Variants in ZNF430 observed in about 807,000 individuals in gnomAD.
ZNF430 encodes the protein zinc finger protein 430.
A neutral mutation model predicts 56.7 loss-of-function variants in ZNF430; 35 were observed. The ratio of observed to expected loss-of-function variants is 0.62; its 90% confidence interval spans 0.47 to 0.82. ZNF430 has a LOEUF of 0.82. Among genes scored for constraint, ZNF430 ranks in the 40% least tolerant of loss-of-function variants. ZNF430 has a pLI of 0.00. For missense variants in ZNF430, 574 were observed against 661.0 expected (o/e 0.87, Z 1.44); for synonymous variants, 212 against 224.3 (o/e 0.94, Z 0.49).
intron 4 of ZNF430, among the ~76,000 whole-genome samples, chr19:21,054,820 G>C (rs143882422): frequency 6.6e-6 from 1 of 151,594 alleles, no homozygotes; most frequent in South Asian, 2.1e-4. Context: ...GACTACAGGC[G>C]CCCGCCACCA....
chr19:21,049,486 T>C (rs550216181), intron 4 of ZNF430: 1 of 152,300 alleles, frequency 6.6e-6, no homozygotes, highest in Admixed American at 6.5e-5. Flanking sequence ...TTTTAGCATT[T>C]CTATTTGTTT....
At chr19:21,051,768 C>T (rs904209293) in intron 4 of ZNF430, among the ~76,000 whole-genome samples, 1 of 152,186 alleles carries the variant, frequency 6.6e-6, no homozygotes, top group Non-Finnish European at 1.5e-5. Flanking sequence ...GAATTATAGG[C>T]GTGAGCCACT....
At chr19:21,030,895 G>C (rs142395996) in intron 2 of ZNF430, among the ~76,000 whole-genome samples, 1 of 151,860 alleles carries the variant, frequency 6.6e-6, no homozygotes, top group African/African-American at 2.4e-5. Context: ...TTTGTTTTCT[G>C]TTTTTGAGAC....
In ZNF430 at chr19:21,056,760, G is replaced by A; in HGVS notation, c.452G>A (p.Ser151Asn). 1 of 1,613,846 alleles carries A rather than the reference G, an allele frequency of 6.2e-7. No homozygotes were observed. The highest frequency in any genetic ancestry group is 8.5e-7 in the Non-Finnish European group (1 of 1,179,888). Reference sequence around the variant, plus strand: ...TTACAGTTAAGAACAGGCTGTAAAAGTGTGGATGAGTGTAATCTGCACAAA... The same window carrying A: ...TTACAGTTAAGAACAGGCTGTAAAAATGTGGATGAGTGTAATCTGCACAAA... ...EDLQLRTGCK[S>N]VDECNLHKEC... The change falls in exon 5 of 5, where the codon AGT (serine) becomes AAT (asparagine). Residue 151 changes from serine (S) to asparagine (N), a missense_variant. Physicochemically the swap from Ser to Asn is conservative, Grantham distance 46. Coordinates refer to ENST00000261560, the MANE Select transcript of ZNF430 (RefSeq NM_025189.4).
chr19:21,045,369 T>C (rs1275399714), intron 4 of ZNF430, among the ~76,000 whole-genome samples: 1 of 152,220 alleles, frequency 6.6e-6, no homozygotes, highest in African/African-American at 2.4e-5. Flanking sequence ...TCAATTTCCA[T>C]GTACTTGTGT....
In ZNF430 at chr19:21,056,854, T is replaced by C. The variant is rs116573353; in HGVS notation, c.546T>C (p.Tyr182=). The C allele has an allele frequency of 1.3e-3, 2,121 of 1,610,960 alleles. 30 individuals carry two copies. The African/African-American group carries it at 0.026, about 20-fold the overall frequency. The change falls in exon 5 of 5, where the codon TAT becomes TAC. Residue 182 remains tyrosine, a synonymous_variant. Coordinates refer to ENST00000261560, the MANE Select transcript of ZNF430 (RefSeq NM_025189.4). The part of the protein sequence containing the change: ...TQSEIFQYDK[Y]VNVFYKFSNP... ...GTGAAATATTTCAATATGATAAATATGTGAATGTCTTTTATAAATTTTCAA... is the reference window on the plus strand; with the variant it reads ...GTGAAATATTTCAATATGATAAATACGTGAATGTCTTTTATAAATTTTCAA...
In ZNF430 at chr19:21,057,663, C is replaced by A; in HGVS notation, c.1355C>A (p.Thr452Asn). ...SNLTAHKIIH[T>N]GEKPYKCEEC... is the part of the protein sequence containing the mutation. ...CTTACTGCACATAAGATAATTCATA[C>A]TGGAGAGAAACCCTACAAATGTGAA... Residue 452 changes from threonine (T) to asparagine (N), a missense_variant, in exon 5 of 5, where the codon ACT (threonine) becomes AAT (asparagine). Physicochemically the swap from Thr to Asn is moderately conservative, Grantham distance 65. Around this residue, in one of 3 missense-constraint regions of ZNF430, gnomAD observed 213 missense variants for 221.0 expected, o/e 0.96. Transcript: ENST00000261560. 6.2e-7 allele frequency: 1 copy of A among 1,611,420 alleles called. No individual in the cohort carries two copies. Among genetic ancestry groups the A allele is most frequent in the South Asian group, 1.1e-5 (1 of 90,506 alleles).
At chr19:21,023,012 A>AG in intron 2 of ZNF430, 131 bp downstream of exon 2, 4 of 635,608 alleles carry the variant, frequency 6.3e-6, no homozygotes, top group South Asian at 1.9e-5. Flanking sequence ...GGATTGTCTA[A>AG]GGGGGCAGAA....
chr19:21,056,441 A>G (rs1968378255), intron 4 of ZNF430, among the ~76,000 whole-genome samples, 190 bp from the exon 5 acceptor site: 1 of 151,462 alleles, frequency 6.6e-6, no homozygotes. Context: ...GTGAGCAGAG[A>G]TCACGCCATT....
intron 2 of ZNF430, among the ~76,000 whole-genome samples, chr19:21,025,439 T>C (rs565061494): frequency 2.6e-5 from 4 of 152,306 alleles, no homozygotes; most frequent in African/African-American, 7.2e-5. Flanking sequence ...CAGATCTTTA[T>C]AACCTGTATC....
At position 21,056,668 on chromosome 19, in the gene ZNF430, G is replaced by A; in HGVS notation, c.360G>A (p.Glu120=). The change falls in exon 5 of 5, where the codon GAG becomes GAA. Residue 120 remains glutamate, a synonymous_variant. Coordinates refer to ENST00000261560, the MANE Select transcript of ZNF430 (RefSeq NM_025189.4). ...YSHFAQDLWP[E]QGIKDSFQEV... ...ATTTTGCCCAAGACCTTTGGCCAGAGCAGGGCATAAAAGATTCTTTCCAAG... is the reference window on the plus strand; with the variant it reads ...ATTTTGCCCAAGACCTTTGGCCAGAACAGGGCATAAAAGATTCTTTCCAAG... The A allele has an allele frequency of 6.4e-7, 1 of 1,574,526 alleles. No homozygotes were observed. The highest frequency in any genetic ancestry group is 1.4e-5 in the African/African-American group (1 of 73,780).
At chr19:21,042,715 G>A (rs561608931) in intron 4 of ZNF430, among the ~76,000 whole-genome samples, 8 of 152,036 alleles carry the variant, frequency 5.3e-5, no homozygotes, top group Admixed American at 5.2e-4. Context: ...GTGAACCTGG[G>A]AGGCAGAGCT....
chr19:21,040,360 A>T (rs1968081125), intron 4 of ZNF430, among the ~76,000 whole-genome samples: 1 of 152,144 alleles, frequency 6.6e-6, no homozygotes, highest in Admixed American at 6.5e-5. Context: ...GGTCATGGGG[A>T]CTAATTCTCA....
intron 2 of ZNF430, among the ~76,000 whole-genome samples, chr19:21,028,254 CCA>C (rs1967839741): frequency 6.6e-6 from 1 of 152,154 alleles, no homozygotes; most frequent in South Asian, 2.1e-4. Flanking sequence ...CAGTGATTTG[CCA>C]CAGTTATGTG....
intron 4 of ZNF430, chr19:21,053,688 C>T (rs1246845374): frequency 6.6e-6 from 1 of 152,164 alleles, no homozygotes; most frequent in African/African-American, 2.4e-5. Flanking sequence ...GCCACTGCGC[C>T]CAGCCAAAAA....
At chr19:21,023,105 CAAAAA>C (rs968744865) in intron 2 of ZNF430, among the ~76,000 whole-genome samples, 5 of 152,100 alleles carry the variant, frequency 3.3e-5, no homozygotes, top group East Asian at 1.9e-4. Flanking sequence ...TCCCAAAAGA[CAAAAA>C]GAAAAAGAAA....
chr19:21,046,417 A>G (rs1446572848), intron 4 of ZNF430, among the ~76,000 whole-genome samples: 1 of 151,528 alleles, frequency 6.6e-6, no homozygotes, highest in Non-Finnish European at 1.5e-5. Context: ...TCTTTGATGT[A>G]GTTTTTTCAT....
intron 4 of ZNF430, among the ~76,000 whole-genome samples, chr19:21,046,386 C>A (rs1050544992): frequency 6.7e-6 from 1 of 150,202 alleles, no homozygotes; most frequent in Non-Finnish European, 1.5e-5. Flanking sequence ...TTTCATGGTG[C>A]TATCTGGTTA....
At chr19:21,026,189 CTTT>C in intron 2 of ZNF430, 4 of 148,588 alleles carry the variant, frequency 2.7e-5, no homozygotes, top group Non-Finnish European at 4.4e-5. Flanking sequence ...TAATCTCTGA[CTTT>C]TTTTTTTTTT....
Sources: allele counts gnomAD v4.1 joint callset (sites outside exome capture counted in the v4.1 genomes callset), GRCh38; gene constraint gnomAD v4.1.1; regional missense constraint gnomAD v4.1.1; transcripts MANE v1.5; gene names NCBI Gene and HGNC (gene_info 2026-07-23, HGNC 2026-07-21).